The following ADGRB1 variants were observed in gnomAD, a reference collection of about 807,000 sequenced individuals.
ADGRB1 encodes adhesion G protein-coupled receptor B1.
A neutral mutation model predicts 175.7 loss-of-function variants in ADGRB1; 36 were observed. The observed-to-expected ratio is 0.20, with a 90% CI of 0.16 to 0.27. The LOEUF (loss-of-function observed/expected upper bound fraction) is 0.27. Among genes scored for constraint, ADGRB1 ranks in the 10% least tolerant of loss-of-function variants. The pLI is 1.00. For missense variants in ADGRB1, 1,731 were observed against 2,255.3 expected (o/e 0.77, Z 4.71); for synonymous variants, 1,054 against 979.4 (o/e 1.08, Z -1.42).
At chr8:142,523,223 T>C (rs1253195317) in intron 22 of ADGRB1, among the ~76,000 whole-genome samples, 1 of 152,120 alleles carries the variant, frequency 6.6e-6, no homozygotes, top group Non-Finnish European at 1.5e-5. Flanking sequence ...GCCAGGAAGC[T>C]TGGGGTCATC....
chr8:142,474,725 C>A lies in ADGRB1; in HGVS notation c.785-749C>A, dbSNP rs904310313. ...CACAGGTCCATGAAGGCCGCGGGGA[C>A]TGTCGGGGCAGGGATGGAGAAAGAC... On this transcript the variant is annotated intron_variant, in intron 2 of 30. Coordinates refer to ENST00000517894, the MANE Select transcript of ADGRB1 (RefSeq NM_001702.3). The surrounding 1 kb of genome is among the most constrained non-coding windows in gnomAD (Gnocchi z 5.8). Among the ~76,000 whole-genome samples, 1 of 152,278 alleles carries A rather than the reference C, an allele frequency of 6.6e-6. No individual in the cohort carries two copies. The highest frequency in any genetic ancestry group is 6.5e-5 in the Admixed American group (1 of 15,298).
chr8:142,489,039 C>T lies in ADGRB1; in HGVS notation c.2457C>T (p.Ala819=), dbSNP rs537788238. ...KSVFSTGLTE[A]DEASVFVVGT... ...TGACAGTGCACTTTCTTCCAGAGGC[C>T]GATGAAGCATCCGTGTTTGTGGTGG... Residue 819 remains alanine (A), a synonymous_variant, in exon 15 of 31, where the codon GCC becomes GCT. Coordinates refer to ENST00000517894, the MANE Select transcript of ADGRB1 (RefSeq NM_001702.3). 1.6e-5 allele frequency: 25 copies of T among 1,611,748 alleles called. No individual in the cohort carries two copies. Among genetic ancestry groups the T allele is most frequent in the Middle Eastern group, 1.7e-4 (1 of 6,058 alleles).
chr8:142,488,624 G>T, intron 14 of ADGRB1, 117 bp downstream of exon 14: 1 of 1,366,002 alleles, frequency 7.3e-7, no homozygotes, highest in Non-Finnish European at 9.9e-7. Context: ...TTCTCAAGGG[G>T]GTCCTCTTTT....
chr8:142,515,175 G>A (rs886532379), intron 18 of ADGRB1, among the ~76,000 whole-genome samples: 3 of 152,140 alleles, frequency 2.0e-5, no homozygotes, highest in Non-Finnish European at 4.4e-5. Flanking sequence ...AGAGCCCGGC[G>A]CCTGAAGGTC....
intron 1 of ADGRB1, 54 bp from the exon 2 acceptor site, chr8:142,463,926 A>C: frequency 3.2e-6 from 1 of 312,620 alleles, no homozygotes; most frequent in Non-Finnish European, 5.8e-6. Context: ...CCCCATGCCC[A>C]GAGCCCACGT....
chr8:142,544,199 G>T, intron 30 of ADGRB1, 21 bp from the exon 31 acceptor site: 1 of 1,547,380 alleles, frequency 6.5e-7, no homozygotes, highest in South Asian at 1.2e-5. Context: ...CACCCCTCCT[G>T]CACCACGGGC....
At position 142,520,805 on chromosome 8, in the gene ADGRB1, C is replaced by T; in HGVS notation, c.2922-18C>T. 1 of 1,607,844 alleles carries T rather than the reference C, an allele frequency of 6.2e-7. No individual in the cohort carries two copies. The highest frequency in any genetic ancestry group is 8.5e-7 in the Non-Finnish European group (1 of 1,174,744). ...GGTTCTGTTGGGTGCTGACCTTGGG[C>T]CCCTGCACTCTCCACAGGTACATTC... On this transcript the variant is annotated intron_variant, in intron 19 of 30. Transcript: ENST00000517894.
intron 18 of ADGRB1, among the ~76,000 whole-genome samples, chr8:142,515,559 C>G (rs1358899524): frequency 6.6e-6 from 1 of 152,208 alleles, no homozygotes; most frequent in Non-Finnish European, 1.5e-5. Flanking sequence ...GACGCTTACT[C>G]GGCCGCCTGT....
chr8:142,452,836 G>T (rs892951860), intron 1 of ADGRB1, among the ~76,000 whole-genome samples: 64 of 151,464 alleles, frequency 4.2e-4, no homozygotes, highest in African/African-American at 1.4e-3. Context: ...GGGACGCCGC[G>T]GGGCTCCAGG....
At chr8:142,506,774 G>A (rs756268924) in intron 17 of ADGRB1, among the ~76,000 whole-genome samples, 13 of 152,150 alleles carry the variant, frequency 8.5e-5, no homozygotes, top group East Asian at 1.9e-4. Flanking sequence ...TGCCTAAGTC[G>A]ACATGCATCC....
chr8:142,543,779 A>G lies in ADGRB1; in HGVS notation c.4557+71A>G. The G allele has an allele frequency of 2.2e-6, 3 of 1,351,928 alleles. No individual in the cohort carries two copies. Among genetic ancestry groups the G allele is most frequent in the South Asian group, 1.3e-5 (1 of 79,922 alleles). 83.7% of individuals were successfully genotyped at this position (1,351,928 alleles called of 1,614,324 possible). On this transcript the variant is annotated intron_variant, in intron 30 of 30. Coordinates refer to ENST00000517894, the MANE Select transcript of ADGRB1 (RefSeq NM_001702.3). This position sits in a 1 kb window ranked among gnomAD's most constrained non-coding sequence, Gnocchi z 4.4. ...GGCCACCGTCTCCCTTCTTCCCTGG[A>G]TTTGTGCACTTCATCCATCCATCCA...
rs961867201 is a variant in ADGRB1 at position 142,511,861 on chromosome 8, C to T, written c.2817+788C>T. On this transcript the variant is annotated intron_variant, in intron 18 of 30. Transcript: ENST00000517894. This position sits in a 1 kb window ranked among gnomAD's most constrained non-coding sequence, Gnocchi z 4.5. ...GGAAAGGGCCTTGGGCGTGTGCTCA[C>T]CAAGTAACCTCCGCCCAGACCTCGT... Among the ~76,000 whole-genome samples the T allele has an allele frequency of 7.9e-5, 12 of 152,220 alleles. No homozygotes were observed. The highest frequency in any genetic ancestry group is 1.3e-4 in the Non-Finnish European group (9 of 68,028).
intron 17 of ADGRB1, among the ~76,000 whole-genome samples, chr8:142,491,031 C>G (rs530064183): frequency 6.6e-6 from 1 of 152,300 alleles, no homozygotes; most frequent in South Asian, 2.1e-4. Context: ...GTCCACAGTT[C>G]AGGGAGGAGC....
chr8:142,461,417 A>G (rs545465090), intron 1 of ADGRB1, among the ~76,000 whole-genome samples: 1 of 152,330 alleles, frequency 6.6e-6, no homozygotes, highest in Admixed American at 6.5e-5. Context: ...CCAGGCCTGC[A>G]CAGTCCACAC....
At chr8:142,528,517 C>T (rs146636251) in intron 24 of ADGRB1, among the ~76,000 whole-genome samples, 36 of 152,292 alleles carry the variant, frequency 2.4e-4, no homozygotes, top group African/African-American at 7.9e-4. Context: ...CGCTTGCTTT[C>T]GTTTCAGCCT....
At chr8:142,465,041 C>T in intron 2 of ADGRB1, 59 bp downstream of exon 2, 3 of 1,067,270 alleles carry the variant, frequency 2.8e-6, no homozygotes, top group Non-Finnish European at 3.7e-6. Context: ...GGGAGGCGGG[C>T]AGACAGGGGA....
At chr8:142,491,305 G>A (rs530021748) in intron 17 of ADGRB1, among the ~76,000 whole-genome samples, 75 of 152,382 alleles carry the variant, frequency 4.9e-4, no homozygotes, top group Non-Finnish European at 9.1e-4. Context: ...TGCAGGCCAA[G>A]CACTTGTTGG....
chr8:142,525,939 C>A lies in ADGRB1; in HGVS notation c.3313-603C>A, dbSNP rs114088808. ...GAGGCCAGGAGACAGGGGGAGACCC[C>A]AGGATGCTCAGGGCCAGTGGCTTCC... On this transcript the variant is annotated intron_variant, in intron 23 of 30. Coordinates refer to ENST00000517894, the MANE Select transcript of ADGRB1 (RefSeq NM_001702.3). 2.0e-3 allele frequency among the ~76,000 whole-genome samples: 310 copies of A among 152,294 alleles called. 1 individual carries two copies. The highest frequency in any genetic ancestry group is 7.0e-3 in the African/African-American group (290 of 41,572).
At chr8:142,498,561 G>T (rs1315385420) in intron 17 of ADGRB1, among the ~76,000 whole-genome samples, 4 of 151,960 alleles carry the variant, frequency 2.6e-5, no homozygotes, top group Admixed American at 2.6e-4. Flanking sequence ...CACACTGGCT[G>T]TGCGCGCCCA....
Sources: allele counts gnomAD v4.1 joint callset (sites outside exome capture counted in the v4.1 genomes callset), GRCh38; gene constraint gnomAD v4.1.1; non-coding constraint Gnocchi (gnomAD v3.1); transcripts MANE v1.5; gene names NCBI Gene and HGNC (gene_info 2026-07-23, HGNC 2026-07-21).